Variants in ARHGAP6 observed in about 807,000 individuals in gnomAD.
ARHGAP6 encodes Rho GTPase activating protein 6.
A neutral mutation model predicts 55.7 loss-of-function variants in ARHGAP6; 16 were observed. The ratio of observed to expected loss-of-function variants is 0.29; its 90% confidence interval spans 0.19 to 0.44. ARHGAP6 has a LOEUF of 0.44. Ranked by LOEUF, ARHGAP6 falls within the 20% of genes least tolerant of loss-of-function variation. The probability of loss-of-function intolerance (pLI) is 1.00; values close to 1 mark genes in which losing one functional copy is unlikely to be tolerated. For missense variants in ARHGAP6, 698 were observed against 808.9 expected (o/e 0.86, Z 1.66); for synonymous variants, 382 against 360.9 (o/e 1.06, Z -0.66).
chrX:11,292,196 T>C (rs1045012698), intron 1 of ARHGAP6, among the ~76,000 whole-genome samples: 1 of 112,063 alleles, frequency 8.9e-6, no homozygotes, highest in Non-Finnish European at 1.9e-5. Context: ...TTCAAAGAGA[T>C]CCAAGTATAA....
intron 1 of ARHGAP6, among the ~76,000 whole-genome samples, chrX:11,417,325 T>C (rs986281524): frequency 4.7e-5 from 5 of 107,011 alleles, no homozygotes; most frequent in Non-Finnish European, 7.7e-5. Context: ...AGATTCAGGA[T>C]GAGGGCAGGA....
At chrX:11,601,214 G>A (rs1372002163) in intron 1 of ARHGAP6, among the ~76,000 whole-genome samples, 3 of 111,527 alleles carry the variant, frequency 2.7e-5, no homozygotes, top group African/African-American at 9.8e-5. Flanking sequence ...TGGGGCTTAG[G>A]GGAGGGGTGT....
At chrX:11,310,781 A>C (rs1009067317) in intron 1 of ARHGAP6, among the ~76,000 whole-genome samples, 1 of 111,790 alleles carries the variant, frequency 8.9e-6, no homozygotes, top group Non-Finnish European at 1.9e-5. Context: ...CCTTCTTCTC[A>C]GCTTTGCTTC....
At chrX:11,382,168 T>C (rs896128626) in intron 1 of ARHGAP6, among the ~76,000 whole-genome samples, 3 of 111,079 alleles carry the variant, frequency 2.7e-5, no homozygotes, top group East Asian at 2.8e-4. Flanking sequence ...CACCATAGGA[T>C]AGATCCTGGG....
At chrX:11,625,715 T>C (rs760313016) in intron 1 of ARHGAP6, among the ~76,000 whole-genome samples, 6 of 112,297 alleles carry the variant, frequency 5.3e-5, no homozygotes, top group Admixed American at 9.4e-5. Context: ...AAATGACAAA[T>C]GTTTGAGGTG....
At chrX:11,367,213 T>C (rs2049093367) in intron 1 of ARHGAP6, among the ~76,000 whole-genome samples, 1 of 112,104 alleles carries the variant, frequency 8.9e-6, no homozygotes, top group Non-Finnish European at 1.9e-5. Flanking sequence ...AGTAGATAGA[T>C]GAGCATGTGA....
intron 1 of ARHGAP6, among the ~76,000 whole-genome samples, chrX:11,562,159 C>T (rs759231046): frequency 8.9e-6 from 1 of 112,044 alleles, no homozygotes; most frequent in South Asian, 3.7e-4. Flanking sequence ...ACCTGAATAC[C>T]AAGGATGACA....
chrX:11,552,717 C>T (rs2051283399), intron 1 of ARHGAP6, among the ~76,000 whole-genome samples: 1 of 102,759 alleles, frequency 9.7e-6, no homozygotes, highest in African/African-American at 3.6e-5. Flanking sequence ...GTGAAACAAA[C>T]CAGGCACAGA....
At chrX:11,518,360 T>C (rs2050867819) in intron 1 of ARHGAP6, among the ~76,000 whole-genome samples, 1 of 110,295 alleles carries the variant, frequency 9.1e-6, no homozygotes, top group Admixed American at 9.7e-5. Context: ...CCCAGGCTGG[T>C]CTCAAACTCC....
At chrX:11,529,785 A>G (rs778064637) in intron 1 of ARHGAP6, among the ~76,000 whole-genome samples, 12 of 112,216 alleles carry the variant, frequency 1.1e-4, no homozygotes, top group Non-Finnish European at 1.3e-4. Context: ...CCAGTAGATT[A>G]AATTTCTAAT....
chrX:11,370,812 C>A (rs2049135557), intron 1 of ARHGAP6, among the ~76,000 whole-genome samples: 1 of 111,035 alleles, frequency 9.0e-6, no homozygotes, highest in African/African-American at 3.3e-5. Context: ...GCCCATCACA[C>A]TCTACAGGTC....
intron 1 of ARHGAP6, among the ~76,000 whole-genome samples, chrX:11,306,481 C>T (rs931933504): frequency 8.9e-6 from 1 of 112,472 alleles, no homozygotes; most frequent in Non-Finnish European, 1.9e-5. Flanking sequence ...TGAACATTTA[C>T]TGGGCTTATT....
At chrX:11,575,955 T>C (rs2051591563) in intron 1 of ARHGAP6, among the ~76,000 whole-genome samples, 1 of 112,525 alleles carries the variant, frequency 8.9e-6, no homozygotes, top group Non-Finnish European at 1.9e-5. Flanking sequence ...AACTCATATC[T>C]TGTGAATCTG....
At chrX:11,169,838 T>A (rs1278957867) in intron 8 of ARHGAP6, among the ~76,000 whole-genome samples, 154 bp from the exon 9 acceptor site, 1 of 110,546 alleles carries the variant, frequency 9.0e-6, no homozygotes, top group Admixed American at 9.7e-5. Flanking sequence ...GGCATCATTA[T>A]TTTCCTTTTG....
chrX:11,138,970 G>C lies in ARHGAP6; in HGVS notation c.2818C>G (p.Pro940Ala). The change falls in exon 13 of 13, where the codon CCG (proline) becomes GCG (alanine). Residue 940 changes from proline (P) to alanine (A), a missense_variant. Pro to Ala is a conservative substitution (Grantham distance 27). Coordinates refer to ENST00000337414, the MANE Select transcript of ARHGAP6 (RefSeq NM_013427.3). ...NSLPAGEQDS[P>A]RLGDAGWLDW... The stretch of plus-strand genomic sequence containing the variant: ...AGCCAGCCAGCGTCCCCCAGGCGCG[G>C]ACTGTCCTGCTCGCCCGCTGGCAGG... 8.3e-7 allele frequency: 1 copy of C among 1,204,594 alleles called. No individual in the cohort carries two copies. Among genetic ancestry groups the C allele is most frequent in the Non-Finnish European group, 1.1e-6 (1 of 893,044 alleles).
intron 1 of ARHGAP6, among the ~76,000 whole-genome samples, chrX:11,355,526 T>A (rs1472263010): frequency 8.9e-6 from 1 of 112,508 alleles, no homozygotes; most frequent in African/African-American, 3.2e-5. Context: ...AATGACAGAA[T>A]GAGAATTTCA....
chrX:11,284,998 T>A (rs1248246655), intron 1 of ARHGAP6, among the ~76,000 whole-genome samples: 1 of 111,282 alleles, frequency 9.0e-6, no homozygotes, highest in African/African-American at 3.3e-5. Flanking sequence ...ATATAATAGA[T>A]CTGGAAAGAG....
At chrX:11,621,529 T>A (rs756141403) in intron 1 of ARHGAP6, among the ~76,000 whole-genome samples, 15 of 111,468 alleles carry the variant, frequency 1.3e-4, no homozygotes, top group African/African-American at 4.9e-4. Flanking sequence ...AACTTTAGAT[T>A]TGAGGCAGCT....
At chrX:11,498,509 T>C (rs1345060701) in intron 1 of ARHGAP6, among the ~76,000 whole-genome samples, 3 of 111,732 alleles carry the variant, frequency 2.7e-5, no homozygotes, top group Non-Finnish European at 5.6e-5. Flanking sequence ...ATTCAGTCAG[T>C]CACTCCTTCA....
Sources: allele counts gnomAD v4.1 joint callset (sites outside exome capture counted in the v4.1 genomes callset), GRCh38; gene constraint gnomAD v4.1.1; transcripts MANE v1.5; gene names NCBI Gene and HGNC (gene_info 2026-07-23, HGNC 2026-07-21).